Variants in FDX2 observed in about 807,000 individuals in gnomAD.
FDX2 encodes the protein ferredoxin 2.
FDX2 carries 13 observed loss-of-function variants against 18.5 expected under a neutral mutation model. The ratio of observed to expected loss-of-function variants is 0.70; its 90% CI spans 0.46 to 1.12. The LOEUF is 1.12. Ranked by LOEUF, FDX2 falls within the 50% of genes most tolerant of loss-of-function variation. The probability of loss-of-function intolerance (pLI) is 0.00; values close to 1 mark genes in which losing one functional copy is unlikely to be tolerated. For synonymous variants in FDX2, 132 were observed against 106.2 expected (o/e 1.24, Z -1.49); for missense variants, 238 against 250.4 (o/e 0.95, Z 0.34).
rs2040367106 is a variant in FDX2 at position 10,315,267 on chromosome 19, TTA to T, written c.316+117_316+118del. 5.2e-6 allele frequency: 4 copies of T among 776,624 alleles called. No individual in the cohort carries two copies. The East Asian group carries it at 1.1e-4, about 21-fold the overall frequency. 48.1% of individuals were successfully genotyped at this position (776,624 alleles called of 1,614,324 possible). ...GAGGCCATGGTGAGGGGTTTGGATT[TTA>T]GTCCATATTTGGTGGGAAAAAGACG... On this transcript the variant is annotated intron_variant, in intron 3 of 4. Transcript: ENST00000393708.
chr19:10,314,357 G>A (rs937815462), intron 3 of FDX2, among the ~76,000 whole-genome samples: 18 of 152,164 alleles, frequency 1.2e-4, no homozygotes, highest in Non-Finnish European at 1.0e-4. Flanking sequence ...CAACAGATAA[G>A]CATGAATAAG....
intron 3 of FDX2, 111 bp from the exon 4 acceptor site, chr19:10,311,051 C>T: frequency 1.4e-6 from 1 of 693,912 alleles, no homozygotes; most frequent in South Asian, 1.9e-5. Flanking sequence ...CTCACGTCTC[C>T]CTCCTGGGCC....
intron 3 of FDX2, among the ~76,000 whole-genome samples, chr19:10,312,518 ATTCC>A (rs2040334692): frequency 1.3e-5 from 2 of 151,496 alleles, no homozygotes; most frequent in African/African-American, 4.9e-5. Flanking sequence ...CCCCTCATTC[ATTCC>A]TTTGTTTTCC....
Position 10,315,883 on chromosome 19 carries a change from C to A in FDX2, c.123G>T (p.Ala41=). Residue 41 remains alanine, a synonymous_variant, in exon 1 of 5, where the codon GCG becomes GCT. Coordinates refer to ENST00000393708, the MANE Select transcript of FDX2 (RefSeq NM_001031734.4). ...CTTGAAACTTTCTGGTTGTCCCCAG[C>A]GCCACCCCCTCCCCCGACCCGGAAG... is the stretch of plus-strand genomic sequence containing the variant. 6.2e-7 allele frequency: 1 copy of A among 1,601,476 alleles called. No individual in the cohort carries two copies. The highest frequency in any genetic ancestry group is 1.1e-5 in the South Asian group (1 of 90,328).
At chr19:10,315,319 GTTTT>G (rs56213243) in intron 3 of FDX2, 63 bp downstream of exon 3, 180 of 599,236 alleles carry the variant, frequency 3.0e-4, no homozygotes, top group East Asian at 1.0e-3. Context: ...TAATTTGTGG[GTTTT>G]TTTTTTTTTT....
Position 10,310,834 on chromosome 19 carries a change from A to G in FDX2, c.404+19T>C, listed in dbSNP as rs776330609. ...GCTCCAGGGTGAAGCTGCCAGCTAG[A>G]CAGGGCTGACCCACTCACCTCTCCT... is the stretch of plus-strand genomic sequence containing the variant. On this transcript the variant is annotated intron_variant, in intron 4 of 4. Coordinates refer to ENST00000393708, the MANE Select transcript of FDX2 (RefSeq NM_001031734.4). 2.5e-6 allele frequency: 4 copies of G among 1,611,404 alleles called. No homozygotes were observed. The South Asian group carries it at 4.4e-5, about 18-fold the overall frequency.
chr19:10,313,785 T>C (rs1421452495), intron 3 of FDX2, among the ~76,000 whole-genome samples: 1 of 139,932 alleles, frequency 7.1e-6, no homozygotes, highest in Non-Finnish European at 1.5e-5. Flanking sequence ...CCCGGGTTCA[T>C]GCCATTCTCC....
At chr19:10,311,554 C>T (rs1366441300) in intron 3 of FDX2, among the ~76,000 whole-genome samples, 9 of 151,836 alleles carry the variant, frequency 5.9e-5, no homozygotes, top group East Asian at 1.9e-4. Context: ...CCTGCCACCA[C>T]GCCTGGCTAA....
At position 10,310,346 on chromosome 19, in the gene FDX2, C is replaced by G; in HGVS notation, c.*140G>C. ...CAGAGCCTGGACATGGGACTCTCTCCCAAGCAGGGGTGTTGTCCTTCACAG... is the reference window on the plus strand; with the variant it reads ...CAGAGCCTGGACATGGGACTCTCTCGCAAGCAGGGGTGTTGTCCTTCACAG... On this transcript the variant is annotated 3_prime_UTR_variant, in exon 5 of 5. Coordinates refer to ENST00000393708, the MANE Select transcript of FDX2 (RefSeq NM_001031734.4). 1 of 1,220,656 alleles carries G rather than the reference C, an allele frequency of 8.2e-7. No individual in the cohort carries two copies. Among genetic ancestry groups the G allele is most frequent in the Non-Finnish European group, 1.1e-6 (1 of 877,688 alleles). 75.6% of individuals were successfully genotyped at this position (1,220,656 alleles called of 1,614,324 possible). A position where few individuals can be genotyped will look rare whatever the true frequency, so the allele number is the denominator to read the frequency against.
intron 3 of FDX2, among the ~76,000 whole-genome samples, chr19:10,311,461 G>A (rs1431967684): frequency 6.7e-6 from 1 of 149,930 alleles, no homozygotes; most frequent in Admixed American, 6.7e-5. Context: ...GCAGTGGCAC[G>A]ATCTCGGCTC....
At chr19:10,312,809 T>C (rs2145051947) in intron 3 of FDX2, among the ~76,000 whole-genome samples, 1 of 152,130 alleles carries the variant, frequency 6.6e-6, no homozygotes, top group Admixed American at 6.5e-5. Flanking sequence ...AGTGCTGGGA[T>C]TACAGGCGTG....
intron 2 of FDX2, 85 bp from the exon 3 acceptor site, chr19:10,315,577 A>G (rs2040373923): frequency 6.5e-7 from 1 of 1,537,550 alleles, no homozygotes; most frequent in South Asian, 1.2e-5. Context: ...GTAGGAATTG[A>G]GGCTTGACGC....
chr19:10,315,827 T>C, intron 1 of FDX2, 25 bp downstream of exon 1: 1 of 1,598,488 alleles, frequency 6.3e-7, no homozygotes, highest in South Asian at 1.1e-5. Flanking sequence ...GGATTAACGC[T>C]GCCCGCCCCG....
chr19:10,313,744 G>A (rs2145053781), intron 3 of FDX2, among the ~76,000 whole-genome samples: 1 of 126,852 alleles, frequency 7.9e-6, no homozygotes, highest in South Asian at 2.5e-4. Flanking sequence ...GAGTGCAGTG[G>A]CGTGATCTTG....
At position 10,310,306 on chromosome 19, in the gene FDX2, G is replaced by A; in HGVS notation, c.*180C>T. The A allele has an allele frequency of 1.2e-6, 1 of 855,180 alleles. No individual in the cohort carries two copies. The allele number at this position is 855,180 out of a possible 1,614,324, so 53.0% of individuals were successfully genotyped here. On this transcript the variant is annotated 3_prime_UTR_variant, in exon 5 of 5. Coordinates refer to ENST00000393708, the MANE Select transcript of FDX2 (RefSeq NM_001031734.4). Reference sequence around the variant, plus strand: ...GGCCTGGGGAAGGCCACCCCACTAGGGGCCCTGTCCCCACCAGAGCCTGGA... The same window carrying A: ...GGCCTGGGGAAGGCCACCCCACTAGAGGCCCTGTCCCCACCAGAGCCTGGA...
Position 10,315,348 on chromosome 19 carries a change from T to G in FDX2, c.316+38A>C, listed in dbSNP as rs1124765. ...TTTTTTTTTTTTTTTTGGACAAATGTATAAGGACCTCCTTAATTCCCTCTG... is the reference window on the plus strand; with the variant it reads ...TTTTTTTTTTTTTTTTGGACAAATGGATAAGGACCTCCTTAATTCCCTCTG... On this transcript the variant is annotated intron_variant, in intron 3 of 4. Coordinates refer to ENST00000393708, the MANE Select transcript of FDX2 (RefSeq NM_001031734.4). 0.16 allele frequency: 172,436 copies of G among 1,073,706 alleles called. 18,787 individuals are homozygous for G. The highest frequency in any genetic ancestry group is 0.35 in the Admixed American group (15,215 of 43,830). The allele number at this position is 1,073,706 out of a possible 1,614,324, so 66.5% of individuals were successfully genotyped here.
At chr19:10,310,681 C>A (rs1939191314) in intron 4 of FDX2, 39 bp from the exon 5 acceptor site, 1 of 1,331,266 alleles carries the variant, frequency 7.5e-7, no homozygotes, top group African/African-American at 1.6e-5. Context: ...CGAGGGCAAG[C>A]TAGCTGGGTG....
chr19:10,310,818 T>C, intron 4 of FDX2, 35 bp downstream of exon 4: 1 of 1,602,206 alleles, frequency 6.2e-7, no homozygotes, highest in Non-Finnish European at 8.5e-7. Flanking sequence ...TGCTCCAGGG[T>C]GAAGCTGCCA....
intron 2 of FDX2, 99 bp downstream of exon 2, chr19:10,315,606 A>G (rs910039031): frequency 2.0e-6 from 3 of 1,519,646 alleles, no homozygotes; most frequent in Non-Finnish European, 2.7e-6. Context: ...TGAATAGGGC[A>G]AAGCAGAAGG....
Sources: allele counts gnomAD v4.1 joint callset (sites outside exome capture counted in the v4.1 genomes callset), GRCh38; gene constraint gnomAD v4.1.1; transcripts MANE v1.5; gene names NCBI Gene and HGNC (gene_info 2026-07-23, HGNC 2026-07-21).